The following PTPRG variants were observed in gnomAD, a reference collection of about 807,000 sequenced individuals.
PTPRG encodes the protein receptor-type tyrosine-protein phosphatase gamma.
In PTPRG, 102 loss-of-function variants were observed where a neutral mutation model predicts 165.3. The ratio of observed to expected loss-of-function variants is 0.62; its 90% CI spans 0.53 to 0.73. The LOEUF (loss-of-function observed/expected upper bound fraction) is 0.73, where lower values mean the gene tolerates loss of function less well. Ranked by LOEUF, PTPRG falls within the 30% of genes least tolerant of loss-of-function variation. The pLI, the probability that PTPRG is intolerant of heterozygous loss-of-function variation, is 0.00. For synonymous variants in PTPRG, 675 were observed against 669.5 expected, an observed-to-expected ratio of 1.01 and a Z score of -0.13; for missense variants, 1,866 against 1,861.4, an observed-to-expected ratio of 1.00 and a Z score of -0.05.
chr3:61,690,255 G>C (rs1377772440), intron 1 of PTPRG, among the ~76,000 whole-genome samples: 1 of 152,184 alleles, frequency 6.6e-6, no homozygotes. Context: ...GAGGCCTCCT[G>C]GTTCTTCAAG....
intron 2 of PTPRG, among the ~76,000 whole-genome samples, chr3:61,984,902 T>G (rs754160084): frequency 7.2e-5 from 11 of 152,250 alleles, no homozygotes; most frequent in Non-Finnish European, 1.3e-4. Context: ...ATATAGAATG[T>G]TCCCCAATTT....
chr3:61,767,009 C>G (rs913660475), intron 2 of PTPRG, among the ~76,000 whole-genome samples: 6 of 151,500 alleles, frequency 4.0e-5, no homozygotes, highest in Non-Finnish European at 8.8e-5. Context: ...TTTGGGAGGC[C>G]GAGGCAGGCA....
At chr3:62,280,383 G>T (rs1178551998) in intron 26 of PTPRG, among the ~76,000 whole-genome samples, 1 of 151,886 alleles carries the variant, frequency 6.6e-6, no homozygotes, top group Non-Finnish European at 1.5e-5. Flanking sequence ...CTCAGTAGTA[G>T]AATCATGAAA....
intron 1 of PTPRG, among the ~76,000 whole-genome samples, chr3:61,625,139 TTGA>T (rs1210385551): frequency 1.3e-5 from 2 of 151,850 alleles, no homozygotes. Context: ...TCATTTTAAC[TTGA>T]TTACCTCTGT....
At chr3:62,066,278 T>G (rs933326982) in intron 4 of PTPRG, among the ~76,000 whole-genome samples, 7 of 152,220 alleles carry the variant, frequency 4.6e-5, no homozygotes, top group Admixed American at 3.3e-4. Context: ...CAAACTATAT[T>G]TCAGGTTTCT....
chr3:62,083,342 G>A lies in PTPRG; in HGVS notation c.615+5084G>A, dbSNP rs1701644005. ...TCTTGAACTCCTGGGCTCAAGCTGTGCTCCTGCCTCTGCCTCCCTAAGAGC... is the reference window on the plus strand; with the variant it reads ...TCTTGAACTCCTGGGCTCAAGCTGTACTCCTGCCTCTGCCTCCCTAAGAGC... On this transcript the variant is annotated intron_variant, in intron 5 of 29. Coordinates refer to ENST00000474889, the MANE Select transcript of PTPRG (RefSeq NM_002841.4). Among the ~76,000 whole-genome samples the A allele has an allele frequency of 4.6e-5, 7 of 151,100 alleles. No individual in the cohort carries two copies. In the South Asian group the frequency reaches 1.5e-3, roughly 31 times the overall value.
chr3:61,956,781 A>T (rs1293131400), intron 2 of PTPRG, among the ~76,000 whole-genome samples: 1 of 152,120 alleles, frequency 6.6e-6, no homozygotes, highest in Non-Finnish European at 1.5e-5. Flanking sequence ...GACATTTCTG[A>T]TTGGAAAGGT....
intron 6 of PTPRG, among the ~76,000 whole-genome samples, chr3:62,146,763 C>G (rs1041327507): frequency 6.6e-6 from 1 of 152,144 alleles, no homozygotes; most frequent in Non-Finnish European, 1.5e-5. Context: ...CTCAACTCTG[C>G]AGTGGTAGCC....
intron 5 of PTPRG, among the ~76,000 whole-genome samples, chr3:62,100,188 C>T (rs1428792554): frequency 6.6e-6 from 1 of 151,986 alleles, no homozygotes; most frequent in Non-Finnish European, 1.5e-5. Flanking sequence ...CTGTTTACCC[C>T]AAATAAGGTC....
chr3:61,993,074 C>A (rs1575860655), intron 3 of PTPRG, among the ~76,000 whole-genome samples: 1 of 151,716 alleles, frequency 6.6e-6, no homozygotes, highest in East Asian at 1.9e-4. Flanking sequence ...TTCAACTGAA[C>A]AGTGCATATT....
At chr3:61,571,465 G>A (rs1033626761) in intron 1 of PTPRG, among the ~76,000 whole-genome samples, 2 of 152,158 alleles carry the variant, frequency 1.3e-5, no homozygotes, top group Non-Finnish European at 2.9e-5. Context: ...CATGAACACT[G>A]GGTGGAATAA....
intron 2 of PTPRG, among the ~76,000 whole-genome samples, chr3:61,981,786 A>C (rs1172193435): frequency 6.6e-6 from 1 of 152,216 alleles, no homozygotes; most frequent in South Asian, 2.1e-4. Flanking sequence ...TGTAATTTAC[A>C]TGTAACAAAA....
intron 2 of PTPRG, among the ~76,000 whole-genome samples, chr3:61,982,617 C>T (rs1249779477): frequency 6.6e-6 from 1 of 152,138 alleles, no homozygotes; most frequent in African/African-American, 2.4e-5. Flanking sequence ...AGCCTTTACT[C>T]AGCCTAGAGG....
intron 1 of PTPRG, among the ~76,000 whole-genome samples, chr3:61,651,146 T>C (rs1441692073): frequency 6.6e-6 from 1 of 152,102 alleles, no homozygotes; most frequent in African/African-American, 2.4e-5. Flanking sequence ...TTTTTTTTTT[T>C]TTAAAGGAAA....
At chr3:61,905,484 T>C (rs1433872677) in intron 2 of PTPRG, among the ~76,000 whole-genome samples, 1 of 152,224 alleles carries the variant, frequency 6.6e-6, no homozygotes, top group Non-Finnish European at 1.5e-5. Context: ...TCATGTGCTG[T>C]ATTGAACTTT....
At chr3:62,141,332 G>A (rs58011830) in intron 6 of PTPRG, among the ~76,000 whole-genome samples, 7,575 of 152,152 alleles carry the variant, frequency 0.05, 587 homozygotes, top group African/African-American at 0.17. Context: ...TAGGCCAGGC[G>A]CGGTGGCTCA....
intron 4 of PTPRG, among the ~76,000 whole-genome samples, chr3:62,030,266 C>T (rs970015257): frequency 1.4e-4 from 21 of 151,516 alleles, no homozygotes; most frequent in African/African-American, 4.4e-4. Flanking sequence ...ACACATTACT[C>T]CCCCTCTCAC....
chr3:62,095,696 A>G (rs1007534673), intron 5 of PTPRG, among the ~76,000 whole-genome samples: 1 of 152,152 alleles, frequency 6.6e-6, no homozygotes, highest in East Asian at 1.9e-4. Flanking sequence ...TGTGAGGTCT[A>G]GTGAGGGAAA....
At chr3:61,781,803 C>G (rs2034551636) in intron 2 of PTPRG, among the ~76,000 whole-genome samples, 1 of 151,640 alleles carries the variant, frequency 6.6e-6, no homozygotes, top group Non-Finnish European at 1.5e-5. Context: ...TCATAGCTCA[C>G]TGTAGCCTCA....
Sources: allele counts gnomAD v4.1 joint callset (sites outside exome capture counted in the v4.1 genomes callset), GRCh38; gene constraint gnomAD v4.1.1; transcripts MANE v1.5; gene names NCBI Gene and HGNC (gene_info 2026-07-23, HGNC 2026-07-21).